Variants in CEP76 observed in about 807,000 individuals in gnomAD.
CEP76 encodes centrosomal protein of 76 kDa.
In CEP76, 55 loss-of-function variants were observed where a neutral mutation model predicts 83.3. The ratio of observed to expected loss-of-function variants is 0.66; its 90% CI spans 0.53 to 0.83. CEP76 has a LOEUF of 0.83. Ranked by LOEUF, CEP76 falls within the 40% of genes least tolerant of loss-of-function variation. The pLI is 0.00. For synonymous variants in CEP76, 270 were observed against 274.5 expected, an observed-to-expected ratio of 0.98 and a Z score of 0.16; for missense variants, 694 against 799.5, an observed-to-expected ratio of 0.87 and a Z score of 1.59.
downstream of CEP76, among the ~76,000 whole-genome samples, chr18:12,669,760 G>C (rs901374270): frequency 6.6e-6 from 1 of 152,076 alleles, no homozygotes; most frequent in Non-Finnish European, 1.5e-5. Context: ...CAGCACTTTG[G>C]GAGGCCAAGG....
At chr18:12,687,763 C>T (rs1042871729) in intron 7 of CEP76, among the ~76,000 whole-genome samples, 2 of 151,140 alleles carry the variant, frequency 1.3e-5, no homozygotes, top group East Asian at 2.0e-4. Flanking sequence ...TAGAGGGCAC[C>T]GATTTTTAAA....
chr18:12,670,542 C>G (rs2038916976), downstream of CEP76: 1 of 152,120 alleles, frequency 6.6e-6, no homozygotes, highest in Non-Finnish European at 1.5e-5. Flanking sequence ...CAGCCTTGAT[C>G]TTAATATAGT....
rs564051393 is a variant in CEP76 at position 12,698,931 on chromosome 18, A to G, written c.520+48T>C. 261 of 1,305,188 alleles carry G rather than the reference A, an allele frequency of 2.0e-4. 4 individuals carry two copies. The South Asian group carries it at 3.2e-3, about 16-fold the overall frequency. The allele number at this position is 1,305,188 out of a possible 1,614,324, so 80.9% of individuals were successfully genotyped here. A position where few individuals can be genotyped will look rare whatever the true frequency, so the allele number is the denominator to read the frequency against. ...CATTATTATTGTTTCACAATAAAAC[A>G]TAACAAAGATTTACTCAATTAAATG... On this transcript the variant is annotated intron_variant, in intron 4 of 11. Transcript: ENST00000262127.
In CEP76 at chr18:12,674,593, C is replaced by G; in HGVS notation, c.1784G>C (p.Gly595Ala). The stretch of plus-strand genomic sequence containing the variant: ...TCTATACACAAAATGTATTGGGAAC[C>G]CTTTAAATGTGTGACCATCAGGTAC... ...RAVPDGHTFK[G>A]FPIHFVYRNA... is the part of the protein sequence containing the mutation. The change falls in exon 11 of 12, where the codon GGG becomes GCG. Residue 595 changes from glycine to alanine, a missense_variant. Physicochemically the swap from Gly to Ala is moderately conservative, Grantham distance 60. Coordinates refer to ENST00000262127, the MANE Select transcript of CEP76 (RefSeq NM_024899.4). 6.2e-7 allele frequency: 1 copy of G among 1,613,958 alleles called. No individual in the cohort carries two copies. Among genetic ancestry groups the G allele is most frequent in the East Asian group, 2.2e-5 (1 of 44,874 alleles).
At chr18:12,695,225 CAAAA>C (rs761635273) in intron 6 of CEP76, 25 bp downstream of exon 6, 1 of 1,042,032 alleles carries the variant, frequency 9.6e-7, no homozygotes, top group Admixed American at 2.5e-5. Flanking sequence ...AACAAACACA[CAAAA>C]AAAGAGAAAC....
intron 5 of CEP76, 138 bp downstream of exon 5, chr18:12,697,085 G>A (rs1598661513): frequency 5.2e-6 from 3 of 574,634 alleles, no homozygotes; most frequent in East Asian, 5.8e-5. Context: ...AGGATGCTGA[G>A]GTCCAATTGT....
At position 12,666,106 on chromosome 18, in the gene CEP76, C is replaced by T. The variant is rs567912638; in HGVS notation, c.*1728-3937G>A. 2.8e-4 allele frequency among the ~76,000 whole-genome samples: 41 copies of T among 147,480 alleles called. 1 individual carries two copies. Among genetic ancestry groups the T allele is most frequent in the African/African-American group, 9.8e-4 (39 of 39,648 alleles). The stretch of plus-strand genomic sequence containing the variant: ...CTGAGACAGGAGGAATGCTTGATGC[C>T]AGAAGTTCAAGACCAGACTGAGCAA... On this transcript the variant is annotated intron_variant and NMD_transcript_variant, in intron 12 of 12. Coordinates refer to the CEP76 transcript ENST00000590143.
chr18:12,685,186 G>C (rs1456605653), intron 8 of CEP76: 1 of 151,948 alleles, frequency 6.6e-6, no homozygotes, highest in African/African-American at 2.4e-5. Flanking sequence ...TTTTAGTGGA[G>C]ACGGAGTTTC....
chr18:12,675,663 A>AT (rs1476770681), intron 10 of CEP76, among the ~76,000 whole-genome samples: 1 of 151,604 alleles, frequency 6.6e-6, no homozygotes, highest in Non-Finnish European at 1.5e-5. Flanking sequence ...GATTCCATTT[A>AT]TTTTTTATTT....
At chr18:12,698,618 A>G (rs1030360100) in intron 4 of CEP76, among the ~76,000 whole-genome samples, 11 of 152,222 alleles carry the variant, frequency 7.2e-5, no homozygotes, top group Non-Finnish European at 1.2e-4. Flanking sequence ...GACTTTTAAA[A>G]GTTACATAAC....
intron 8 of CEP76, chr18:12,686,028 T>C (rs751018706): frequency 2.6e-4 from 96 of 370,476 alleles, no homozygotes; most frequent in Admixed American, 1.7e-4. Flanking sequence ...ATGTAAATGC[T>C]ACATAAACGT....
rs149884554 is a variant in CEP76, at chr18:12,674,525, T to G, written c.1841+11A>C. The G allele has an allele frequency of 1.0e-5, 16 of 1,601,006 alleles. No individual in the cohort carries two copies. In the African/African-American group the frequency reaches 2.0e-4, roughly 20 times the overall value. On this transcript the variant is annotated intron_variant, in intron 11 of 11. Transcript: ENST00000262127. ...TAAACTGAAAAAATGATTCCGTAAA[T>G]TACACCTTACCGAAGACATGTGGCA...
chr18:12,699,088 A>G lies in CEP76; in HGVS notation c.411T>C (p.Thr137=). The part of the protein sequence containing the change: ...PLPGQVCSTF[T]LCLHYRNQRF... ...GTTGGTTTCGATAATGTAAACATAA[A>G]GTAAACGTTGAACAAACTTGTCCAG... The change falls in exon 4 of 12, where the codon ACT becomes ACC. Residue 137 remains threonine, a synonymous_variant. Coordinates refer to ENST00000262127, the MANE Select transcript of CEP76 (RefSeq NM_024899.4). 6.2e-7 allele frequency: 1 copy of G among 1,614,140 alleles called. No homozygotes were observed. The highest frequency in any genetic ancestry group is 2.2e-5 in the East Asian group (1 of 44,868).
chr18:12,685,490 G>A (rs539193911), intron 8 of CEP76: 42 of 152,174 alleles, frequency 2.8e-4, no homozygotes, highest in African/African-American at 9.2e-4. Context: ...AAATAAAGAT[G>A]CTGAGTTTTT....
At chr18:12,666,500 G>A (rs1018712239) in intron 12 of CEP76, among the ~76,000 whole-genome samples, 1 of 139,626 alleles carries the variant, frequency 7.2e-6, no homozygotes, top group African/African-American at 2.7e-5. Flanking sequence ...AGTGCATTGT[G>A]CAATCATGGC....
intron 10 of CEP76, among the ~76,000 whole-genome samples, chr18:12,675,473 A>G (rs1021898619): frequency 2.6e-5 from 4 of 152,150 alleles, no homozygotes; most frequent in Non-Finnish European, 5.9e-5. Context: ...GACTCTTCCT[A>G]CCATAAACTC....
In CEP76 at chr18:12,679,718, C is replaced by A. The variant is rs927628530; in HGVS notation, c.1289+944G>T. On this transcript the variant is annotated intron_variant, in intron 9 of 11. Coordinates refer to ENST00000262127, the MANE Select transcript of CEP76 (RefSeq NM_024899.4). Reference sequence around the variant, plus strand: ...ACCACATCAAATTTTAAAAAGAAATCATCATTTACAACTTGAACTTATTTT... The same window carrying A: ...ACCACATCAAATTTTAAAAAGAAATAATCATTTACAACTTGAACTTATTTT... Among the ~76,000 whole-genome samples, 6 of 152,252 alleles carry A rather than the reference C, an allele frequency of 3.9e-5. No homozygotes were observed. In the East Asian group the frequency reaches 9.6e-4, roughly 24 times the overall value.
rs535906760 is a variant in CEP76 at position 12,699,385 on chromosome 18, C to T, written c.296-182G>A. Among the ~76,000 whole-genome samples, 44 of 152,234 alleles carry T rather than the reference C, an allele frequency of 2.9e-4. 1 individual carries two copies. Among genetic ancestry groups the T allele is most frequent in the African/African-American group, 9.9e-4 (41 of 41,558 alleles). ...TCATTTGCACTCTGGGGAGAAGATA[C>T]ACAAAATATGATATTCTTTTCTGAG... On this transcript the variant is annotated intron_variant, in intron 3 of 11. Coordinates refer to ENST00000262127, the MANE Select transcript of CEP76 (RefSeq NM_024899.4).
At chr18:12,697,915 TTAAATC>T (rs2040011607) in intron 4 of CEP76, among the ~76,000 whole-genome samples, 1 of 152,198 alleles carries the variant, frequency 6.6e-6, no homozygotes, top group African/African-American at 2.4e-5. Flanking sequence ...TCAGTCATCT[TTAAATC>T]TAAAATTGTG....
Sources: allele counts gnomAD v4.1 joint callset (sites outside exome capture counted in the v4.1 genomes callset), GRCh38; gene constraint gnomAD v4.1.1; transcripts MANE v1.5; gene names NCBI Gene and HGNC (gene_info 2026-07-23, HGNC 2026-07-21).